Variants in HIRA observed in about 807,000 individuals in gnomAD.
HIRA encodes histone cell cycle regulator.
In HIRA, 13 loss-of-function variants were observed where a neutral mutation model predicts 126.6. That is an observed-to-expected ratio of 0.10 (90% CI 0.07 to 0.16). The LOEUF (loss-of-function observed/expected upper bound fraction) is 0.16, where lower values mean the gene tolerates loss of function less well. Ranked by LOEUF, HIRA falls within the 10% of genes least tolerant of loss-of-function variation. The pLI, the probability that HIRA is intolerant of heterozygous loss-of-function variation, is 1.00. For missense variants in HIRA, 834 were observed against 1,314.4 expected, an observed-to-expected ratio of 0.63 and a Z score of 5.65; for synonymous variants, 511 against 520.0, an observed-to-expected ratio of 0.98 and a Z score of 0.24.
chr22:19,415,890 C>T (rs529070944), intron 1 of HIRA, among the ~76,000 whole-genome samples: 2 of 152,116 alleles, frequency 1.3e-5, no homozygotes, highest in South Asian at 2.1e-4. Context: ...AAAAAAAAAT[C>T]GATCCCAAAA....
rs2089148274 is a variant in HIRA at position 19,388,520 on chromosome 22, T to C, written c.971A>G (p.His324Arg). 1 of 1,613,708 alleles carries C rather than the reference T, an allele frequency of 6.2e-7. No individual in the cohort carries two copies. ...CATGATGGATTTGTCAAACAGTTCA[T>C]GGATGACCACCAGCGGCCGTTTCAG... ...TCLKRPLVVIHELFDKSIMDI... is the reference protein window; with the variant it reads ...TCLKRPLVVIRELFDKSIMDI... Residue 324 changes from histidine (H) to arginine (R), a missense_variant, in exon 10 of 25, where the codon CAT becomes CGT. This residue lies in a region of HIRA where 153 missense variants were observed against 270.6 expected (regional missense o/e 0.57). Transcript: ENST00000263208.
chr22:19,336,467 C>G (rs2088568216), intron 24 of HIRA, among the ~76,000 whole-genome samples: 1 of 152,348 alleles, frequency 6.6e-6, no homozygotes, highest in South Asian at 2.1e-4. Context: ...CAGAACAACC[C>G]TGCTCCAAGG....
At chr22:19,350,647 T>G (rs1601808855) in intron 24 of HIRA, among the ~76,000 whole-genome samples, 1 of 152,252 alleles carries the variant, frequency 6.6e-6, no homozygotes, top group African/African-American at 2.4e-5. Context: ...ACTCCCTGAC[T>G]GTTTTTCTAT....
intron 1 of HIRA, among the ~76,000 whole-genome samples, chr22:19,430,709 AC>A (rs1392882853): frequency 1.3e-5 from 2 of 152,072 alleles, no homozygotes; most frequent in Non-Finnish European, 2.9e-5. Context: ...AGTTCTGCCA[AC>A]AAGGCAGAAC....
rs146101276 is a variant in HIRA at position 19,361,937 on chromosome 22, C to G, written c.1776-6G>C. The G allele has an allele frequency of 6.2e-7, 1 of 1,613,336 alleles. No homozygotes were observed. Among genetic ancestry groups the G allele is most frequent in the East Asian group, 2.2e-5 (1 of 44,886 alleles). On this transcript the variant is annotated splice_region_variant and splice_polypyrimidine_tract_variant and intron_variant, in intron 15 of 24. Transcript: ENST00000263208. ...CAAGGTTCTGCTCTTTTAACCTGCA[C>G]AAAAACATTACATCACACTTCCCTT...
chr22:19,346,353 A>C (rs1556008909), intron 24 of HIRA, among the ~76,000 whole-genome samples: 1 of 152,264 alleles, frequency 6.6e-6, no homozygotes, highest in Non-Finnish European at 1.5e-5. Context: ...TAAACACATA[A>C]ATAAAATAAA....
At chr22:19,359,308 G>A in intron 18 of HIRA, 28 bp downstream of exon 18, 1 of 1,521,216 alleles carries the variant, frequency 6.6e-7, no homozygotes, top group South Asian at 1.3e-5. Flanking sequence ...GTGTCACCTG[G>A]GCCGGCTAAG....
At chr22:19,356,176 C>G in intron 20 of HIRA, 54 bp downstream of exon 20, 1 of 1,517,740 alleles carries the variant, frequency 6.6e-7, no homozygotes, top group Non-Finnish European at 9.2e-7. Flanking sequence ...TCTGCAGCAT[C>G]AGACATGAAC....
At chr22:19,410,913 T>G in intron 1 of HIRA, 135 bp from the exon 2 acceptor site, 1 of 744,220 alleles carries the variant, frequency 1.3e-6, no homozygotes, top group Admixed American at 2.3e-5. Context: ...AGTCCAACAG[T>G]GGGAGAAAGC....
intron 7 of HIRA, 33 bp downstream of exon 7, chr22:19,396,753 CG>C: frequency 6.2e-7 from 1 of 1,606,984 alleles, no homozygotes; most frequent in Non-Finnish European, 8.5e-7. Context: ...GGGGCAGCTG[CG>C]GGGGCTCAGC....
At position 19,408,435 on chromosome 22, in the gene HIRA, G is replaced by T. The variant is rs748902295; in HGVS notation, c.211+48C>A. On this transcript the variant is annotated intron_variant, in intron 3 of 24. Coordinates refer to ENST00000263208, the MANE Select transcript of HIRA (RefSeq NM_003325.4). ...AATTACAAACACATGTGCTAACCTT[G>T]GGCACTCTGCCAACACGCAAAGCCT... The T allele has an allele frequency of 3.7e-5, 44 of 1,189,066 alleles. No homozygotes were observed. The South Asian group carries it at 5.1e-4, about 14-fold the overall frequency. The allele number at this position is 1,189,066 out of a possible 1,614,324, so 73.7% of individuals were successfully genotyped here. A position where few individuals can be genotyped will look rare whatever the true frequency, so the allele number is the denominator to read the frequency against.
At chr22:19,342,064 C>T (rs562683694) in intron 24 of HIRA, among the ~76,000 whole-genome samples, 1 of 152,218 alleles carries the variant, frequency 6.6e-6, no homozygotes, top group South Asian at 2.1e-4. Flanking sequence ...TGACAAAGGA[C>T]TAATATCTGG....
At chr22:19,422,150 T>A (rs1415168272) in intron 1 of HIRA, among the ~76,000 whole-genome samples, 2 of 132,780 alleles carry the variant, frequency 1.5e-5, no homozygotes, top group African/African-American at 5.5e-5. Flanking sequence ...TATTTATACC[T>A]GAAAAGAATG....
chr22:19,339,785 T>A (rs904015226), intron 24 of HIRA, among the ~76,000 whole-genome samples: 1 of 152,164 alleles, frequency 6.6e-6, no homozygotes, highest in Admixed American at 6.5e-5. Flanking sequence ...AATGGATAAA[T>A]TCCTGGAAAT....
At chr22:19,385,352 T>C (rs2089116939) in intron 12 of HIRA, among the ~76,000 whole-genome samples, 169 bp downstream of exon 12, 1 of 152,252 alleles carries the variant, frequency 6.6e-6, no homozygotes, top group South Asian at 2.1e-4. Context: ...CAGGCCCCAT[T>C]ACTGCATCAT....
intron 1 of HIRA, among the ~76,000 whole-genome samples, chr22:19,429,231 G>A (rs9606014): frequency 0.39 from 57,599 of 146,138 alleles, 13,169 homozygotes; most frequent in Non-Finnish European, 0.51. Context: ...TCTACCTCCC[G>A]GGCTCAAGCG....
At chr22:19,383,846 A>G in intron 12 of HIRA, 141 bp from the exon 13 acceptor site, 1 of 642,742 alleles carries the variant, frequency 1.6e-6, no homozygotes, top group Non-Finnish European at 2.8e-6. Flanking sequence ...TTAAGTATGC[A>G]ATATCATATT....
At chr22:19,406,978 G>A (rs1286629185) in intron 4 of HIRA, among the ~76,000 whole-genome samples, 5 of 152,174 alleles carry the variant, frequency 3.3e-5, no homozygotes, top group Admixed American at 2.6e-4. Flanking sequence ...TCAGGTGAGA[G>A]CCTGCAGTCC....
Position 19,331,223 on chromosome 22 carries a change from G to C in HIRA, c.*217C>G. ...AGCCCTAGCTCCGCATCGGGGGCTT[G>C]GAGGGAGGGATGAGCTTCCCCCTCC... On this transcript the variant is annotated 3_prime_UTR_variant, in exon 25 of 25. Transcript: ENST00000263208. 6.8e-7 allele frequency: 1 copy of C among 1,477,328 alleles called. No individual in the cohort carries two copies. The highest frequency in any genetic ancestry group is 9.0e-7 in the Non-Finnish European group (1 of 1,109,524). The allele number at this position is 1,477,328 out of a possible 1,614,324, so 91.5% of individuals were successfully genotyped here.
Sources: gnomAD v4.1 joint callset for allele counts (sites outside exome capture counted in the v4.1 genomes callset) on GRCh38, gnomAD v4.1.1 for gene constraint, gnomAD v4.1.1 regional missense constraint, MANE v1.5 for transcripts, NCBI Gene and HGNC (gene_info 2026-07-23, HGNC 2026-07-21) for gene names.